Variants in ADAM19 observed in about 807,000 individuals in gnomAD.
ADAM19 encodes disintegrin and metalloproteinase domain-containing protein 19.
ADAM19 carries 65 observed loss-of-function variants against 114.7 expected under a neutral mutation model. The observed-to-expected ratio is 0.57, with a 90% CI of 0.46 to 0.70. ADAM19 has a LOEUF of 0.70. ADAM19 is among the 30% of genes least tolerant of loss of function. The pLI, the probability that ADAM19 is intolerant of heterozygous loss-of-function variation, is 0.00. For missense variants in ADAM19, 1,063 were observed against 1,204.7 expected, an observed-to-expected ratio of 0.88 and a Z score of 1.74; for synonymous variants, 466 against 460.5, an observed-to-expected ratio of 1.01 and a Z score of -0.15.
At chr5:157,544,472 T>G (rs1756998252) in intron 3 of ADAM19, among the ~76,000 whole-genome samples, 1 of 152,214 alleles carries the variant, frequency 6.6e-6, no homozygotes, top group Non-Finnish European at 1.5e-5. Context: ...CAAAGGATGT[T>G]TGGATGAGCA....
chr5:157,520,131 G>C (rs1012300772), intron 5 of ADAM19, 100 bp from the exon 6 acceptor site: 1 of 1,210,924 alleles, frequency 8.3e-7, no homozygotes, highest in Non-Finnish European at 1.2e-6. Context: ...GACATAGTGG[G>C]TTTTGATCAT....
chr5:157,514,266 T>A (rs985625570), intron 7 of ADAM19, among the ~76,000 whole-genome samples: 1 of 151,914 alleles, frequency 6.6e-6, no homozygotes, highest in African/African-American at 2.4e-5. Context: ...CCACTGGCAG[T>A]GCCTTCTACA....
At chr5:157,563,060 G>C (rs568459856) in intron 3 of ADAM19, among the ~76,000 whole-genome samples, 3 of 152,188 alleles carry the variant, frequency 2.0e-5, no homozygotes, top group African/African-American at 7.2e-5. Flanking sequence ...ACACGGTCAA[G>C]AACAAACCCT....
At chr5:157,572,815 C>T (rs1757869462) in intron 1 of ADAM19, among the ~76,000 whole-genome samples, 1 of 152,138 alleles carries the variant, frequency 6.6e-6, no homozygotes, top group Admixed American at 6.5e-5. Context: ...TTTGGAGGTC[C>T]GAGGTGGGCG....
At position 157,479,754 on chromosome 5, in the gene ADAM19, T is replaced by A; in HGVS notation, c.*1195A>T. 1 of 985,638 alleles carries A rather than the reference T, an allele frequency of 1.0e-6. No individual in the cohort carries two copies. Among genetic ancestry groups the A allele is most frequent in the Non-Finnish European group, 1.2e-6 (1 of 830,036 alleles). 61.1% of individuals were successfully genotyped at this position (985,638 alleles called of 1,614,324 possible). ...TGCTGCTGGCTGCCTTCTCCAGTGATCTCGGGCAGCTCCCAGAAATGGGTC... is the reference window on the plus strand; with the variant it reads ...TGCTGCTGGCTGCCTTCTCCAGTGAACTCGGGCAGCTCCCAGAAATGGGTC... On this transcript the variant is annotated 3_prime_UTR_variant, in exon 23 of 23. Transcript: ENST00000257527.
chr5:157,486,626 C>T (rs1754942104), intron 21 of ADAM19, among the ~76,000 whole-genome samples: 1 of 152,046 alleles, frequency 6.6e-6, no homozygotes, highest in African/African-American at 2.4e-5. Flanking sequence ...CTGAACATGC[C>T]TCTAGTGTGG....
intron 3 of ADAM19, among the ~76,000 whole-genome samples, chr5:157,558,208 A>T (rs1757417988): frequency 6.6e-6 from 1 of 152,182 alleles, no homozygotes; most frequent in African/African-American, 2.4e-5. Flanking sequence ...AGTTCTTCAT[A>T]CTTCCAAAGA....
In ADAM19 at chr5:157,507,157, G is replaced by A; in HGVS notation, c.906-17C>T. The A allele has an allele frequency of 6.2e-7, 1 of 1,613,008 alleles. No individual in the cohort carries two copies. On this transcript the variant is annotated splice_polypyrimidine_tract_variant and intron_variant, in intron 9 of 22. Transcript: ENST00000257527. ...GACATGCCCCTGCAGGAGGCAAGGAGAGACGGTGACCGGGGACGAGACTAA... is the reference window on the plus strand; with the variant it reads ...GACATGCCCCTGCAGGAGGCAAGGAAAGACGGTGACCGGGGACGAGACTAA...
rs1754698469 is a variant in ADAM19 at position 157,480,081 on chromosome 5, G to C, written c.*868C>G. ...GGTCACAAGCACCTGGTCACCCGAA[G>C]GTCAGGACTGCTGAGGGTTTGCTCA... On this transcript the variant is annotated 3_prime_UTR_variant, in exon 23 of 23. Transcript: ENST00000257527. 1 of 985,826 alleles carries C rather than the reference G, an allele frequency of 1.0e-6. No individual in the cohort carries two copies. Among genetic ancestry groups the C allele is most frequent in the African/African-American group, 1.7e-5 (1 of 57,198 alleles). The allele number at this position is 985,826 out of a possible 1,614,324, so 61.1% of individuals were successfully genotyped here.
intron 7 of ADAM19, among the ~76,000 whole-genome samples, chr5:157,514,013 T>C (rs1756015206): frequency 6.6e-6 from 1 of 152,178 alleles, no homozygotes; most frequent in Non-Finnish European, 1.5e-5. Context: ...CAAAGAAGTG[T>C]GAGATCTTGG....
intron 18 of ADAM19, among the ~76,000 whole-genome samples, chr5:157,490,784 C>T (rs1345699218): frequency 1.3e-5 from 2 of 150,880 alleles, no homozygotes; most frequent in African/African-American, 4.9e-5. Flanking sequence ...CTCAGCTACT[C>T]AGGAGGCTGA....
At chr5:157,574,736 A>C (rs1757926722) in intron 1 of ADAM19, among the ~76,000 whole-genome samples, 1 of 152,110 alleles carries the variant, frequency 6.6e-6, no homozygotes, top group Admixed American at 6.5e-5. Flanking sequence ...ATAGCCCCCG[A>C]GGGATGGAGC....
intron 3 of ADAM19, among the ~76,000 whole-genome samples, chr5:157,541,799 T>C (rs1756926174): frequency 6.6e-6 from 1 of 152,194 alleles, no homozygotes; most frequent in Non-Finnish European, 1.5e-5. Context: ...AACCACCCTC[T>C]AGAGAGGAAG....
intron 11 of ADAM19, among the ~76,000 whole-genome samples, chr5:157,505,091 C>T (rs369876522): frequency 7.8e-5 from 11 of 141,758 alleles, no homozygotes; most frequent in African/African-American, 3.0e-4. Context: ...TGCACTCCAG[C>T]CTGGGCGACA....
intron 12 of ADAM19, 69 bp from the exon 13 acceptor site, chr5:157,499,731 T>G: frequency 9.3e-7 from 1 of 1,076,468 alleles, no homozygotes; most frequent in Non-Finnish European, 1.4e-6. Flanking sequence ...TCCCCACCCT[T>G]GCCCACACAC....
Position 157,493,066 on chromosome 5 carries a change from G to A in ADAM19, c.1815C>T (p.Cys605=). ...TIIMNGRQIQ[C]RGTHVYRGPE... Reference sequence around the variant, plus strand: ...GACCTCGGTAGACGTGGGTGCCCCGGCACTGGATCTGCCTCCCATTCATGA... The same window carrying A: ...GACCTCGGTAGACGTGGGTGCCCCGACACTGGATCTGCCTCCCATTCATGA... The change falls in exon 16 of 23, where the codon TGC becomes TGT. Residue 605 remains cysteine, a synonymous_variant. Coordinates refer to ENST00000257527, the MANE Select transcript of ADAM19 (RefSeq NM_033274.5). 2 of 1,614,204 alleles carry A rather than the reference G, an allele frequency of 1.2e-6. No homozygotes were observed. The highest frequency in any genetic ancestry group is 1.7e-6 in the Non-Finnish European group (2 of 1,180,044).
intron 11 of ADAM19, among the ~76,000 whole-genome samples, chr5:157,505,034 G>T (rs189523677): frequency 8.5e-4 from 129 of 151,184 alleles, no homozygotes; most frequent in African/African-American, 3.0e-3. Flanking sequence ...CAGAAGAATG[G>T]TGTGAACCTG....
chr5:157,562,098 C>A (rs574917978), intron 3 of ADAM19, among the ~76,000 whole-genome samples: 1 of 152,256 alleles, frequency 6.6e-6, no homozygotes, highest in Non-Finnish European at 1.5e-5. Context: ...GTTTTGAATC[C>A]GGACTCGCAC....
chr5:157,490,479 G>A, intron 18 of ADAM19, 25 bp from the exon 19 acceptor site: 1 of 1,610,482 alleles, frequency 6.2e-7, no homozygotes, highest in Non-Finnish European at 8.5e-7. Context: ...ACCCAAGTGG[G>A]AGATTTAGAA....
Sources: allele counts gnomAD v4.1 joint callset (sites outside exome capture counted in the v4.1 genomes callset), GRCh38; gene constraint gnomAD v4.1.1; transcripts MANE v1.5; gene names NCBI Gene and HGNC (gene_info 2026-07-23, HGNC 2026-07-21).